The following IL1RAPL2 variants were observed in gnomAD, a reference collection of about 807,000 sequenced individuals.
IL1RAPL2 encodes the protein interleukin 1 receptor accessory protein like 2.
In IL1RAPL2, 3 loss-of-function variants were observed where a neutral mutation model predicts 44.1. The ratio of observed to expected loss-of-function variants is 0.07; its 90% CI spans 0.03 to 0.18. The LOEUF (loss-of-function observed/expected upper bound fraction) is 0.18. Ranked by LOEUF, IL1RAPL2 falls within the 10% of genes least tolerant of loss-of-function variation. The pLI, the probability that IL1RAPL2 is intolerant of heterozygous loss-of-function variation, is 1.00. For synonymous variants in IL1RAPL2, 181 were observed against 178.8 expected (o/e 1.01, Z -0.10); for missense variants, 391 against 496.4 (o/e 0.79, Z 2.02).
At chrX:104,985,290 G>A (rs1429668048) in intron 2 of IL1RAPL2, among the ~76,000 whole-genome samples, 3 of 49,290 alleles carry the variant, frequency 6.1e-5, no homozygotes, top group Non-Finnish European at 1.1e-4. Context: ...GTTTCACCAT[G>A]TTGGCCAGGC....
chrX:105,556,888 A>G (rs1470157130), intron 6 of IL1RAPL2, among the ~76,000 whole-genome samples: 1 of 112,025 alleles, frequency 8.9e-6, no homozygotes, highest in Non-Finnish European at 1.9e-5. Flanking sequence ...ATAAACTAAT[A>G]TAAGGAAACA....
At chrX:105,532,561 A>G (rs1261603930) in intron 6 of IL1RAPL2, among the ~76,000 whole-genome samples, 2 of 110,649 alleles carry the variant, frequency 1.8e-5, no homozygotes, top group African/African-American at 6.6e-5. Flanking sequence ...GATTGTATTC[A>G]ATTTTAAAGT....
intron 2 of IL1RAPL2, among the ~76,000 whole-genome samples, chrX:105,029,243 A>G (rs1261623948): frequency 1.7e-4 from 17 of 97,525 alleles, no homozygotes; most frequent in African/African-American, 5.6e-4. Flanking sequence ...TTTTTTATTT[A>G]TTTATTTTTA....
At chrX:105,715,564 A>T (rs775146514) in intron 6 of IL1RAPL2, among the ~76,000 whole-genome samples, 15 of 111,595 alleles carry the variant, frequency 1.3e-4, no homozygotes, top group Admixed American at 1.9e-4. Flanking sequence ...CTCAGGCCTT[A>T]GTGATAAATA....
chrX:104,667,385 C>T (rs1476169365), intron 2 of IL1RAPL2, among the ~76,000 whole-genome samples: 1 of 111,235 alleles, frequency 9.0e-6, no homozygotes, highest in Non-Finnish European at 1.9e-5. Flanking sequence ...ATGCTTTTAG[C>T]CCCCCAAGAA....
intron 2 of IL1RAPL2, among the ~76,000 whole-genome samples, chrX:105,035,194 G>C (rs1310883787): frequency 2.7e-5 from 3 of 111,900 alleles, no homozygotes. Flanking sequence ...CACTTCCCGA[G>C]TGAGGCAATG....
At chrX:105,287,340 C>G (rs185383979) in intron 5 of IL1RAPL2, among the ~76,000 whole-genome samples, 5 of 111,074 alleles carry the variant, frequency 4.5e-5, no homozygotes, top group African/African-American at 1.6e-4. Flanking sequence ...ATACCAGGAG[C>G]TAAAATAAGG....
intron 6 of IL1RAPL2, among the ~76,000 whole-genome samples, chrX:105,612,709 T>C (rs1320455115): frequency 2.7e-5 from 3 of 111,533 alleles, no homozygotes; most frequent in Non-Finnish European, 5.7e-5. Context: ...TTGTGAGACA[T>C]TGGATTGAAC....
chrX:104,716,044 G>A, intron 2 of IL1RAPL2, among the ~76,000 whole-genome samples: 1 of 111,230 alleles, frequency 9.0e-6, no homozygotes, highest in Middle Eastern at 4.6e-3. Context: ...TATACTACAA[G>A]GCTACACTAA....
rs182019991 is a variant in IL1RAPL2, at chrX:105,297,765, G to C, written c.697+30224G>C. On this transcript the variant is annotated intron_variant, in intron 5 of 10. Transcript: ENST00000372582. ...CAAATGAGATTTGGGTAGGGACACA[G>C]AGCCAAACCATATCATAGGGTAGTG... is the stretch of plus-strand genomic sequence containing the variant. Among the ~76,000 whole-genome samples the C allele has an allele frequency of 2.7e-5, 3 of 110,954 alleles. No homozygotes were observed. In the South Asian group the frequency reaches 1.2e-3, roughly 43 times the overall value.
chrX:104,636,844 A>G (rs1929821046), intron 1 of IL1RAPL2, among the ~76,000 whole-genome samples: 1 of 111,418 alleles, frequency 9.0e-6, no homozygotes, highest in Non-Finnish European at 1.9e-5. Flanking sequence ...TGCTGCACCC[A>G]CTGTCCTGCA....
At chrX:105,123,541 T>C (rs746046312) in intron 2 of IL1RAPL2, among the ~76,000 whole-genome samples, 2 of 111,368 alleles carry the variant, frequency 1.8e-5, no homozygotes, top group South Asian at 7.5e-4. Flanking sequence ...ACATCTTCTT[T>C]CTGTATGATC....
chrX:104,660,782 A>G (rs1930382754), intron 2 of IL1RAPL2, among the ~76,000 whole-genome samples: 1 of 108,043 alleles, frequency 9.3e-6, no homozygotes, highest in Non-Finnish European at 1.9e-5. Context: ...ACAAAAATGT[A>G]AAAATTAGCT....
chrX:105,067,160 C>T (rs1241646716), intron 2 of IL1RAPL2, among the ~76,000 whole-genome samples: 1 of 111,785 alleles, frequency 8.9e-6, no homozygotes, highest in African/African-American at 3.3e-5. Flanking sequence ...TTGTTCTTAA[C>T]TGAGGGTATT....
chrX:105,450,070 T>G (rs2036008700), intron 5 of IL1RAPL2, among the ~76,000 whole-genome samples: 1 of 112,180 alleles, frequency 8.9e-6, no homozygotes, highest in Admixed American at 9.4e-5. Flanking sequence ...CCTGATGTTC[T>G]ATTCTACTGT....
At chrX:104,882,350 GATTA>G (rs2147659052) in intron 2 of IL1RAPL2, among the ~76,000 whole-genome samples, 1 of 112,215 alleles carries the variant, frequency 8.9e-6, no homozygotes, top group African/African-American at 3.2e-5. Flanking sequence ...CATTTTCAAT[GATTA>G]ATGTAGAAAA....
chrX:105,078,065 G>A (rs57958339), intron 2 of IL1RAPL2, among the ~76,000 whole-genome samples: 1,945 of 111,874 alleles, frequency 0.017, 42 homozygotes, highest in African/African-American at 0.06. Context: ...GCTTTGTTCC[G>A]TTGCTGGTGA....
chrX:105,749,809 C>T (rs1032575500), intron 9 of IL1RAPL2, among the ~76,000 whole-genome samples: 11 of 111,541 alleles, frequency 9.9e-5, no homozygotes, highest in Non-Finnish European at 1.9e-4. Context: ...GTACAAACTG[C>T]CATGTTTCCA....
rs113089380 is a variant in IL1RAPL2 at position 105,761,220 on chromosome X, TACACAC to T, written c.1364-5707_1364-5702del. Among the ~76,000 whole-genome samples, 85 of 84,117 alleles carry T rather than the reference TACACAC, an allele frequency of 1.0e-3. 1 individual carries two copies. The highest frequency in any genetic ancestry group is 1.9e-3 in the Admixed American group (14 of 7,476). The allele number at this position is 84,117 out of a possible 115,157, so 73.0% of individuals were successfully genotyped here. ...GAAAAAGAAAAAAAAACTCTTCCTA[TACACAC>T]ACACACACACACACACACACACACA... On this transcript the variant is annotated intron_variant, in intron 10 of 10. Coordinates refer to ENST00000372582, the MANE Select transcript of IL1RAPL2 (RefSeq NM_017416.2).
Sources: allele counts gnomAD v4.1 joint callset (sites outside exome capture counted in the v4.1 genomes callset), GRCh38; gene constraint gnomAD v4.1.1; transcripts MANE v1.5; gene names NCBI Gene and HGNC (gene_info 2026-07-23, HGNC 2026-07-21).